Variants in ENTHD1 observed in about 807,000 individuals in gnomAD.
ENTHD1 encodes ENTH domain-containing protein 1.
A neutral mutation model predicts 39.1 loss-of-function variants in ENTHD1; 23 were observed. The observed-to-expected ratio is 0.59, with a 90% CI of 0.42 to 0.83. The LOEUF is 0.83. ENTHD1 is among the 40% of genes least tolerant of loss of function. The pLI is 0.00. For synonymous variants in ENTHD1, 230 were observed against 258.2 expected (o/e 0.89, Z 1.05); for missense variants, 624 against 705.4 (o/e 0.88, Z 1.31).
At chr22:39,767,237 T>C (rs1252174481) in intron 5 of ENTHD1, among the ~76,000 whole-genome samples, 1 of 152,220 alleles carries the variant, frequency 6.6e-6, no homozygotes, top group Admixed American at 6.5e-5. Context: ...AACTGCTTAA[T>C]AATGATTAAA....
chr22:39,877,119 T>C (rs1166125509), intron 2 of ENTHD1, among the ~76,000 whole-genome samples: 4 of 152,166 alleles, frequency 2.6e-5, no homozygotes, highest in Non-Finnish European at 4.4e-5. Context: ...TGGTGCCCAC[T>C]CCTGTGAGGT....
intron 5 of ENTHD1, among the ~76,000 whole-genome samples, chr22:39,808,610 A>G (rs1231535891): frequency 1.3e-5 from 2 of 152,226 alleles, no homozygotes; most frequent in African/African-American, 2.4e-5. Flanking sequence ...GTTGTATGAC[A>G]TTGTTATAAT....
chr22:39,771,306 G>T (rs899127131), intron 5 of ENTHD1, among the ~76,000 whole-genome samples: 1 of 152,118 alleles, frequency 6.6e-6, no homozygotes, highest in East Asian at 1.9e-4. Flanking sequence ...GTTAGAAGGC[G>T]GAGAACGCTG....
At chr22:39,780,947 C>T (rs1432582871) in intron 5 of ENTHD1, among the ~76,000 whole-genome samples, 1 of 151,210 alleles carries the variant, frequency 6.6e-6, no homozygotes, top group East Asian at 1.9e-4. Context: ...TGCAGTGAGC[C>T]GAGATTGCGC....
At chr22:39,749,738 T>C (rs1456298488) in intron 6 of ENTHD1, among the ~76,000 whole-genome samples, 2 of 152,200 alleles carry the variant, frequency 1.3e-5, no homozygotes, top group African/African-American at 2.4e-5. Context: ...TGGTTTAAAA[T>C]GTAACACTGA....
At chr22:39,830,445 G>A (rs1334472311) in intron 4 of ENTHD1, among the ~76,000 whole-genome samples, 1 of 152,120 alleles carries the variant, frequency 6.6e-6, no homozygotes, top group African/African-American at 2.4e-5. Flanking sequence ...TTAATTTTAT[G>A]TACCTTTCTA....
At chr22:39,760,318 G>T (rs766495296) in intron 6 of ENTHD1, among the ~76,000 whole-genome samples, 1 of 151,838 alleles carries the variant, frequency 6.6e-6, no homozygotes, top group Non-Finnish European at 1.5e-5. Flanking sequence ...TCTTTTATTA[G>T]TTACATACAC....
At chr22:39,799,944 G>A (rs1601602642) in intron 5 of ENTHD1, among the ~76,000 whole-genome samples, 1 of 152,230 alleles carries the variant, frequency 6.6e-6, no homozygotes, top group East Asian at 1.9e-4. Context: ...AGGTCAGGAT[G>A]TAGTCTGGTG....
chr22:39,886,518 C>T (rs770776923), intron 2 of ENTHD1, among the ~76,000 whole-genome samples: 1 of 152,086 alleles, frequency 6.6e-6, no homozygotes, highest in East Asian at 1.9e-4. Flanking sequence ...GGGAACTCTG[C>T]GTAACTTTCT....
chr22:39,888,616 C>T (rs980133265), intron 1 of ENTHD1, among the ~76,000 whole-genome samples: 2 of 152,102 alleles, frequency 1.3e-5, no homozygotes, highest in African/African-American at 2.4e-5. Context: ...TTAGTAGAGA[C>T]GGGGTTTCAC....
intron 5 of ENTHD1, among the ~76,000 whole-genome samples, chr22:39,768,064 A>G (rs1300373525): frequency 6.6e-6 from 1 of 152,186 alleles, no homozygotes; most frequent in Admixed American, 6.5e-5. Context: ...TTTCAAAGAG[A>G]AAAATGTTTA....
At chr22:39,845,925 C>A (rs1032105910) in intron 3 of ENTHD1, among the ~76,000 whole-genome samples, 5 of 151,108 alleles carry the variant, frequency 3.3e-5, no homozygotes, top group Admixed American at 3.3e-4. Flanking sequence ...AAATCTACTA[C>A]AAAACTATAG....
At chr22:39,812,160 C>T (rs1254126010) in intron 5 of ENTHD1, among the ~76,000 whole-genome samples, 1 of 152,090 alleles carries the variant, frequency 6.6e-6, no homozygotes, top group Non-Finnish European at 1.5e-5. Context: ...ATGGATAATT[C>T]TCTATTGTCA....
At chr22:39,884,954 TCTTA>T (rs1184183019) in intron 2 of ENTHD1, among the ~76,000 whole-genome samples, 1 of 152,212 alleles carries the variant, frequency 6.6e-6, no homozygotes, top group Non-Finnish European at 1.5e-5. Context: ...GCCCATAGTT[TCTTA>T]TATATGACAC....
At chr22:39,773,101 T>C (rs1039075850) in intron 5 of ENTHD1, among the ~76,000 whole-genome samples, 11 of 102,836 alleles carry the variant, frequency 1.1e-4, no homozygotes, top group African/African-American at 2.8e-4. Flanking sequence ...CTGGGCAACA[T>C]AGTGAGACCT....
intron 5 of ENTHD1, among the ~76,000 whole-genome samples, chr22:39,809,571 T>C (rs2146629883): frequency 6.6e-6 from 1 of 152,256 alleles, no homozygotes; most frequent in South Asian, 2.1e-4. Flanking sequence ...AAAAGCTCCA[T>C]GAGATGGGAC....
intron 5 of ENTHD1, among the ~76,000 whole-genome samples, chr22:39,780,579 T>C (rs973133376): frequency 6.6e-6 from 1 of 152,058 alleles, no homozygotes; most frequent in Non-Finnish European, 1.5e-5. Flanking sequence ...GTTATACTTA[T>C]ATCAGATAAA....
chr22:39,747,623 A>G (rs2065115696), intron 6 of ENTHD1, among the ~76,000 whole-genome samples: 1 of 152,160 alleles, frequency 6.6e-6, no homozygotes, highest in Non-Finnish European at 1.5e-5. Flanking sequence ...TGGTTGATGG[A>G]TATGCTAATC....
intron 5 of ENTHD1, among the ~76,000 whole-genome samples, chr22:39,768,835 C>G (rs12157357): frequency 1.9e-3 from 281 of 151,888 alleles, no homozygotes; most frequent in African/African-American, 6.6e-3. Context: ...ATTGTTAGTA[C>G]CCACTGTTTG....
Sources: allele counts gnomAD v4.1 joint callset (sites outside exome capture counted in the v4.1 genomes callset), GRCh38; gene constraint gnomAD v4.1.1; transcripts MANE v1.5; gene names NCBI Gene and HGNC (gene_info 2026-07-23, HGNC 2026-07-21).